The following PTPRD variants were observed in gnomAD, a reference collection of about 807,000 sequenced individuals.
PTPRD encodes the protein protein tyrosine phosphatase receptor type D.
A neutral mutation model predicts 214.5 loss-of-function variants in PTPRD; 34 were observed. That is an observed-to-expected ratio of 0.16 (90% CI 0.12 to 0.21). The LOEUF (loss-of-function observed/expected upper bound fraction) is 0.21. Among genes scored for constraint, PTPRD ranks in the 10% least tolerant of loss-of-function variants. The pLI is 1.00. For synonymous variants in PTPRD, 1,128 were observed against 845.7 expected, an observed-to-expected ratio of 1.33 and a Z score of -5.79; for missense variants, 2,545 against 2,398.7, an observed-to-expected ratio of 1.06 and a Z score of -1.27.
At chr9:10,318,899 A>G (rs1039864010) in intron 3 of PTPRD, among the ~76,000 whole-genome samples, 1 of 152,060 alleles carries the variant, frequency 6.6e-6, no homozygotes, top group Non-Finnish European at 1.5e-5. Flanking sequence ...TAGTATGGTG[A>G]TTCTACTCAT....
intron 3 of PTPRD, among the ~76,000 whole-genome samples, chr9:10,205,941 G>C (rs991978512): frequency 6.6e-6 from 1 of 151,334 alleles, no homozygotes; most frequent in Non-Finnish European, 1.5e-5. Flanking sequence ...GGAAAGCAAA[G>C]ACGAATCAGA....
chr9:10,139,956 ACTTT>A (rs1463137067), intron 3 of PTPRD, among the ~76,000 whole-genome samples: 1 of 152,070 alleles, frequency 6.6e-6, no homozygotes, highest in Non-Finnish European at 1.5e-5. Context: ...TCCAGAACAT[ACTTT>A]CTTGATATCA....
chr9:9,790,307 A>T (rs535281264), intron 5 of PTPRD, among the ~76,000 whole-genome samples: 1 of 151,988 alleles, frequency 6.6e-6, no homozygotes. Context: ...CCTCCTCATC[A>T]TCTAATTTGT....
At chr9:9,960,959 T>C (rs1394291139) in intron 4 of PTPRD, among the ~76,000 whole-genome samples, 1 of 151,674 alleles carries the variant, frequency 6.6e-6, no homozygotes, top group Non-Finnish European at 1.5e-5. Context: ...CAAACAAATT[T>C]ACAAGAAAAA....
At chr9:9,186,318 G>A (rs1593146632) in intron 9 of PTPRD, among the ~76,000 whole-genome samples, 1 of 152,244 alleles carries the variant, frequency 6.6e-6, no homozygotes, top group African/African-American at 2.4e-5. Context: ...TGAGGAAACT[G>A]TAAGAGCTGA....
intron 9 of PTPRD, among the ~76,000 whole-genome samples, chr9:9,222,866 A>G (rs1258628291): frequency 2.0e-5 from 3 of 152,050 alleles, no homozygotes; most frequent in African/African-American, 4.8e-5. Context: ...TTTACAGTAC[A>G]ATATTCAAAT....
In PTPRD at chr9:10,036,122, G is replaced by C. The variant is rs149231055; in HGVS notation, c.-544-2332C>G. Among the ~76,000 whole-genome samples the C allele has an allele frequency of 2.0e-5, 3 of 152,080 alleles. No homozygotes were observed. The East Asian group carries it at 5.8e-4, about 29-fold the overall frequency. ...TATACTGCATATCTTCCAAATAAAC[G>C]CAGTATTAGGTATTTCAAAGAAAGA... On this transcript the variant is annotated intron_variant, in intron 3 of 45. Transcript: ENST00000381196.
At chr9:8,320,176 G>T (rs188120917) in intron 44 of PTPRD, among the ~76,000 whole-genome samples, 4 of 152,066 alleles carry the variant, frequency 2.6e-5, no homozygotes, top group Non-Finnish European at 5.9e-5. Context: ...GTAATTAGGA[G>T]TAAGTCTAAT....
intron 9 of PTPRD, among the ~76,000 whole-genome samples, chr9:9,343,808 G>T (rs1041811863): frequency 6.6e-6 from 1 of 151,868 alleles, no homozygotes; most frequent in African/African-American, 2.4e-5. Context: ...GCAATGAAAT[G>T]AAAGTGGGGA....
At chr9:8,824,062 A>T (rs1017418425) in intron 11 of PTPRD, among the ~76,000 whole-genome samples, 1 of 151,942 alleles carries the variant, frequency 6.6e-6, no homozygotes, top group African/African-American at 2.4e-5. Context: ...ACCAGAGGTC[A>T]CTCTTGTCGC....
At chr9:9,784,734 C>T (rs1469369410) in intron 5 of PTPRD, among the ~76,000 whole-genome samples, 2 of 151,372 alleles carry the variant, frequency 1.3e-5, no homozygotes, top group African/African-American at 4.8e-5. Context: ...AATATATTGT[C>T]CATGTTTATT....
chr9:9,962,403 G>T (rs554650690), intron 4 of PTPRD, among the ~76,000 whole-genome samples: 2 of 152,098 alleles, frequency 1.3e-5, no homozygotes, highest in African/African-American at 2.4e-5. Flanking sequence ...TATCTATCCA[G>T]CTAAACAAAT....
intron 2 of PTPRD, among the ~76,000 whole-genome samples, chr9:10,385,224 C>G (rs1020421628): frequency 1.3e-5 from 2 of 151,696 alleles, no homozygotes; most frequent in African/African-American, 4.8e-5. Context: ...CTTTGTGCCT[C>G]TGACTGGGAA....
Position 9,913,560 on chromosome 9 carries a change from A to T in PTPRD, c.-368+24947T>A, listed in dbSNP as rs1254051687. On this transcript the variant is annotated intron_variant, in intron 5 of 45. Transcript: ENST00000381196. Reference sequence around the variant, plus strand: ...GTGGAGATGCACCAGTAGTGACTGGAAATTCAGGAGGGCAGCACAGAGGCA... The same window carrying T: ...GTGGAGATGCACCAGTAGTGACTGGTAATTCAGGAGGGCAGCACAGAGGCA... Among the ~76,000 whole-genome samples the T allele has an allele frequency of 2.0e-5, 3 of 152,098 alleles. No homozygotes were observed. In the East Asian group the frequency reaches 5.8e-4, roughly 29 times the overall value.
chr9:8,678,295 G>C (rs2097477640), intron 12 of PTPRD, among the ~76,000 whole-genome samples: 1 of 152,134 alleles, frequency 6.6e-6, no homozygotes, highest in South Asian at 2.1e-4. Flanking sequence ...TCTGAGTCAA[G>C]TTAATGTCAA....
chr9:8,955,601 T>A (rs1214051519), intron 11 of PTPRD, among the ~76,000 whole-genome samples: 1 of 151,822 alleles, frequency 6.6e-6, no homozygotes, highest in Non-Finnish European at 1.5e-5. Flanking sequence ...TCTGAGAGGC[T>A]ATTTCTGTTT....
In PTPRD at chr9:8,698,300, AT is replaced by A. The variant is rs150538737; in HGVS notation, c.64+35479del. ...ACTGCTGTAGCTTTTAAGACTATCC[AT>A]TTTTGAAAATGCTGGTGAAAATCAA... On this transcript the variant is annotated intron_variant, in intron 12 of 45. Coordinates refer to ENST00000381196, the MANE Select transcript of PTPRD (RefSeq NM_002839.4). Among the ~76,000 whole-genome samples the A allele has an allele frequency of 2.7e-3, 408 of 152,302 alleles. 1 individual carries two copies. Among genetic ancestry groups the A allele is most frequent in the Admixed American group, 4.1e-3 (62 of 15,306 alleles).
chr9:9,271,664 T>C (rs1243770636), intron 9 of PTPRD, among the ~76,000 whole-genome samples: 2 of 151,342 alleles, frequency 1.3e-5, no homozygotes, highest in African/African-American at 4.8e-5. Flanking sequence ...TCTGCAAAAA[T>C]GTATTGGTTA....
At chr9:10,014,295 C>A (rs1453102029) in intron 4 of PTPRD, among the ~76,000 whole-genome samples, 1 of 151,912 alleles carries the variant, frequency 6.6e-6, no homozygotes, top group Non-Finnish European at 1.5e-5. Context: ...GCTGCAATTC[C>A]CATTCAGGTA....
Sources: allele counts gnomAD v4.1 joint callset (sites outside exome capture counted in the v4.1 genomes callset), GRCh38; gene constraint gnomAD v4.1.1; transcripts MANE v1.5; gene names NCBI Gene and HGNC (gene_info 2026-07-23, HGNC 2026-07-21).